Variants in DACH1 observed in about 807,000 individuals in gnomAD.
The protein encoded by DACH1 is dachshund family transcription factor 1, also known as dachshund homolog 1.
A neutral mutation model predicts 54.2 loss-of-function variants in DACH1; 12 were observed. The ratio of observed to expected loss-of-function variants is 0.22; its 90% CI spans 0.14 to 0.36. DACH1 has a LOEUF of 0.36. Among genes scored for constraint, DACH1 ranks in the 10% least tolerant of loss-of-function variants. The probability of loss-of-function intolerance (pLI) is 1.00; values close to 1 mark genes in which losing one functional copy is unlikely to be tolerated. For missense variants in DACH1, 805 were observed against 929.8 expected (o/e 0.87, Z 1.75); for synonymous variants, 386 against 366.2 (o/e 1.05, Z -0.62).
At chr13:71,863,014 A>G (rs553931046) in intron 1 of DACH1, among the ~76,000 whole-genome samples, 2 of 152,192 alleles carry the variant, frequency 1.3e-5, no homozygotes, top group Admixed American at 1.3e-4. Flanking sequence ...TAGCCTGTTA[A>G]GTAGCTAGAG....
chr13:71,783,345 GA>G (rs1886460983), intron 1 of DACH1, among the ~76,000 whole-genome samples: 1 of 152,030 alleles, frequency 6.6e-6, no homozygotes, highest in African/African-American at 2.4e-5. Flanking sequence ...TAAAGTCTAG[GA>G]AAAGGTACTT....
chr13:71,798,323 CATATATATATATATATATAT>C (rs35310464), intron 1 of DACH1, among the ~76,000 whole-genome samples: 3,670 of 96,566 alleles, frequency 0.038, 208 homozygotes, highest in African/African-American at 0.13. Context: ...TTGTTACATA[CATATATATATATATATATAT>C]ATATATATAT....
intron 6 of DACH1, among the ~76,000 whole-genome samples, chr13:71,540,111 A>C (rs1411967924): frequency 2.0e-5 from 3 of 151,968 alleles, no homozygotes; most frequent in African/African-American, 7.2e-5. Context: ...TCACTAGATA[A>C]TATAATTGGA....
rs114516922 is a variant in DACH1, at chr13:71,640,683, A to G, written c.965-9966T>C. Among the ~76,000 whole-genome samples, 682 of 152,156 alleles carry G rather than the reference A, an allele frequency of 4.5e-3. 3 individuals are homozygous for G. Among genetic ancestry groups the G allele is most frequent in the Middle Eastern group, 0.024 (7 of 294 alleles). ...CTTCTTACTACTCACAGAACCCATC[A>G]GCCAAAATTACTCAGTGAATTGACT... On this transcript the variant is annotated intron_variant, in intron 2 of 10. Transcript: ENST00000613252.
At chr13:71,479,478 A>G (rs1046962975) in intron 7 of DACH1, among the ~76,000 whole-genome samples, 162 bp from the exon 8 acceptor site, 2 of 152,166 alleles carry the variant, frequency 1.3e-5, no homozygotes, top group Admixed American at 1.3e-4. Context: ...TAAAGCATAA[A>G]ACTCCTAAGT....
intron 10 of DACH1, among the ~76,000 whole-genome samples, chr13:71,467,176 A>G (rs1180219212): frequency 6.6e-6 from 1 of 151,948 alleles, no homozygotes; most frequent in Non-Finnish European, 1.5e-5. Context: ...ACAAAAACCC[A>G]CAAGAGGCCT....
chr13:71,674,064 A>G (rs1427453757), intron 2 of DACH1, among the ~76,000 whole-genome samples: 1 of 152,190 alleles, frequency 6.6e-6, no homozygotes, highest in African/African-American at 2.4e-5. Flanking sequence ...ATCCTTTACT[A>G]AACATTTATT....
intron 6 of DACH1, among the ~76,000 whole-genome samples, chr13:71,491,047 A>G (rs1454966128): frequency 6.6e-6 from 1 of 152,194 alleles, no homozygotes; most frequent in Non-Finnish European, 1.5e-5. Context: ...CATTTAGGCT[A>G]TAAGTTTCAT....
At chr13:71,780,332 C>T (rs1373302002) in intron 1 of DACH1, among the ~76,000 whole-genome samples, 7 of 151,958 alleles carry the variant, frequency 4.6e-5, no homozygotes, top group African/African-American at 1.7e-4. Context: ...TTTATGTGAT[C>T]AATCAAATAA....
At chr13:71,543,813 C>T (rs192803151) in intron 6 of DACH1, among the ~76,000 whole-genome samples, 25 of 152,148 alleles carry the variant, frequency 1.6e-4, no homozygotes, top group African/African-American at 5.1e-4. Flanking sequence ...TAAATAATAG[C>T]GAAACTAAGA....
chr13:71,468,262 T>C (rs1256040793), intron 10 of DACH1, among the ~76,000 whole-genome samples: 1 of 152,204 alleles, frequency 6.6e-6, no homozygotes, highest in East Asian at 1.9e-4. Flanking sequence ...AATTTAATAC[T>C]AACATCTAAA....
At chr13:71,741,829 A>G (rs1466988817) in intron 1 of DACH1, among the ~76,000 whole-genome samples, 1 of 152,168 alleles carries the variant, frequency 6.6e-6, no homozygotes, top group Admixed American at 6.5e-5. Context: ...AAAGAATGAA[A>G]CAGAAAATAA....
intron 1 of DACH1, among the ~76,000 whole-genome samples, chr13:71,685,086 A>C (rs1230855420): frequency 6.6e-6 from 1 of 152,186 alleles, no homozygotes; most frequent in African/African-American, 2.4e-5. Flanking sequence ...CAAACTACTT[A>C]GGAGTACTTT....
chr13:71,658,474 C>T (rs1412271949), intron 2 of DACH1, among the ~76,000 whole-genome samples: 2 of 152,014 alleles, frequency 1.3e-5, no homozygotes, highest in Non-Finnish European at 2.9e-5. Flanking sequence ...CTCTTGAACC[C>T]GGGAGGCTGA....
chr13:71,587,800 T>C (rs1034311234), intron 3 of DACH1, among the ~76,000 whole-genome samples: 3 of 152,020 alleles, frequency 2.0e-5, no homozygotes, highest in African/African-American at 7.2e-5. Flanking sequence ...ACAAATCTTC[T>C]AAAAAGATTA....
intron 10 of DACH1, among the ~76,000 whole-genome samples, 153 bp from the exon 11 acceptor site, chr13:71,440,845 G>C (rs527836548): frequency 6.6e-6 from 1 of 151,668 alleles, no homozygotes; most frequent in Non-Finnish European, 1.5e-5. Context: ...TCAAAGTTAA[G>C]TTAATTTCAT....
intron 1 of DACH1, among the ~76,000 whole-genome samples, chr13:71,719,955 T>G (rs2138800125): frequency 6.6e-6 from 1 of 152,326 alleles, no homozygotes; most frequent in East Asian, 1.9e-4. Flanking sequence ...TTTATCTTTT[T>G]GGTTCAATAT....
chr13:71,486,929 C>T (rs547813269), intron 7 of DACH1, among the ~76,000 whole-genome samples: 3 of 152,048 alleles, frequency 2.0e-5, no homozygotes, highest in Non-Finnish European at 2.9e-5. Context: ...ACTGCAACCT[C>T]CACCTCCCAG....
At chr13:71,563,062 A>G (rs1004520063) in intron 4 of DACH1, among the ~76,000 whole-genome samples, 1 of 152,046 alleles carries the variant, frequency 6.6e-6, no homozygotes, top group Non-Finnish European at 1.5e-5. Context: ...TGAAATTCTA[A>G]TAGAAGCATA....
Sources: allele counts gnomAD v4.1 joint callset (sites outside exome capture counted in the v4.1 genomes callset), GRCh38; gene constraint gnomAD v4.1.1; transcripts MANE v1.5; gene names NCBI Gene and HGNC (gene_info 2026-07-23, HGNC 2026-07-21).